ATP5PB: variants seen among roughly 807,000 people sequenced by gnomAD.
The protein encoded by ATP5PB is ATP synthase peripheral stalk subunit b, mitochondrial.
ATP5PB carries 21 observed loss-of-function variants against 34.5 expected under a neutral mutation model. The observed-to-expected ratio is 0.61, with a 90% confidence interval of 0.43 to 0.88. The LOEUF (loss-of-function observed/expected upper bound fraction) is 0.88, where lower values mean the gene tolerates loss of function less well. Ranked by LOEUF, ATP5PB falls within the 40% of genes least tolerant of loss-of-function variation. ATP5PB has a pLI of 0.00. For synonymous variants in ATP5PB, 108 were observed against 114.1 expected (o/e 0.95, Z 0.34); for missense variants, 293 against 317.4 (o/e 0.92, Z 0.58).
chr1:111,458,862 T>G (rs984718245), intron 5 of ATP5PB, among the ~76,000 whole-genome samples: 1 of 152,184 alleles, frequency 6.6e-6, no homozygotes, highest in Non-Finnish European at 1.5e-5. Context: ...AATTTCTGCC[T>G]CAGTTTCCTC....
Position 111,456,156 on chromosome 1 carries a change from G to T in ATP5PB, c.294G>T (p.Glu98Asp), listed in dbSNP as rs767597893. 5 of 1,612,950 alleles carry T rather than the reference G, an allele frequency of 3.1e-6. No individual in the cohort carries two copies. The South Asian group carries it at 5.5e-5, about 18-fold the overall frequency. Residue 98 changes from glutamate to aspartate, a missense_variant, in exon 4 of 7, where the codon GAG (glutamate) becomes GAT (aspartate). Glu to Asp is a conservative substitution (Grantham distance 45). Coordinates refer to ENST00000369722, the MANE Select transcript of ATP5PB (RefSeq NM_001688.5). ...AAGAAATATATGTGATTAGCGCAGAGACCTTCACTGCCCTATCAGTACTAG... is the reference window on the plus strand; with the variant it reads ...AAGAAATATATGTGATTAGCGCAGATACCTTCACTGCCCTATCAGTACTAG... ...LSKEIYVISA[E>D]TFTALSVLGV...
At chr1:111,460,675 C>T (rs1186708519) in intron 6 of ATP5PB, among the ~76,000 whole-genome samples, 1 of 152,020 alleles carries the variant, frequency 6.6e-6, no homozygotes, top group African/African-American at 2.4e-5. Flanking sequence ...CAGGTTTCAC[C>T]CATAAAGGCT....
At chr1:111,452,578 TAAATA>T (rs1201459621) in intron 2 of ATP5PB, among the ~76,000 whole-genome samples, 3 of 152,018 alleles carry the variant, frequency 2.0e-5, no homozygotes, top group Admixed American at 6.6e-5. Context: ...CTCAAAAAAA[TAAATA>T]AAATAAGCAG....
chr1:111,459,325 TA>T (rs1178516494), intron 5 of ATP5PB, 131 bp from the exon 6 acceptor site: 1 of 806,644 alleles, frequency 1.2e-6, no homozygotes, highest in Non-Finnish European at 1.9e-6. Flanking sequence ...TCTAGGTACA[TA>T]TTACCTATTA....
rs142840295 is a variant in ATP5PB, at chr1:111,450,538, A to G, written c.77+665A>G. Among the ~76,000 whole-genome samples, 639 of 152,334 alleles carry G rather than the reference A, an allele frequency of 4.2e-3. 3 individuals carry two copies. Among genetic ancestry groups the G allele is most frequent in the African/African-American group, 0.015 (613 of 41,572 alleles). On this transcript the variant is annotated intron_variant, in intron 2 of 6. Coordinates refer to ENST00000369722, the MANE Select transcript of ATP5PB (RefSeq NM_001688.5). ...ATCTATAAAATGGCGATAATAGTGCATTGTGGCTTTTGAGAATTAAGAGAC... is the reference window on the plus strand; with the variant it reads ...ATCTATAAAATGGCGATAATAGTGCGTTGTGGCTTTTGAGAATTAAGAGAC...
intron 2 of ATP5PB, among the ~76,000 whole-genome samples, chr1:111,450,206 A>G (rs1653279086): frequency 6.6e-6 from 1 of 152,198 alleles, no homozygotes; most frequent in South Asian, 2.1e-4. Flanking sequence ...TAGATGACAT[A>G]CCCAAGAATA....
chr1:111,459,702 T>C, intron 6 of ATP5PB, 66 bp downstream of exon 6: 1 of 1,520,266 alleles, frequency 6.6e-7, no homozygotes. Context: ...TGCTGATGTT[T>C]TGTTAAGGTA....
At chr1:111,451,797 A>T (rs1653344133) in intron 2 of ATP5PB, among the ~76,000 whole-genome samples, 1 of 152,118 alleles carries the variant, frequency 6.6e-6, no homozygotes, top group Non-Finnish European at 1.5e-5. Flanking sequence ...CCAGGAGAGT[A>T]AGAGAATGAA....
At chr1:111,453,774 C>T (rs1014524656) in intron 2 of ATP5PB, among the ~76,000 whole-genome samples, 1 of 152,220 alleles carries the variant, frequency 6.6e-6, no homozygotes, top group African/African-American at 2.4e-5. Context: ...ATCCTCTCAA[C>T]AACCATATAA....
intron 5 of ATP5PB, among the ~76,000 whole-genome samples, chr1:111,457,722 T>G (rs12039707): frequency 0.29 from 43,349 of 152,006 alleles, 6,460 homozygotes; most frequent in South Asian, 0.4. Context: ...TTCCAAGACT[T>G]ATGGAATCAG....
intron 1 of ATP5PB, 46 bp from the exon 2 acceptor site, chr1:111,449,791 C>A (rs751916964): frequency 1.9e-6 from 3 of 1,613,722 alleles, no homozygotes; most frequent in East Asian, 4.5e-5. Flanking sequence ...AAAGGGCAAA[C>A]CAGATTTCAT....
rs564066159 is a variant in ATP5PB at position 111,455,729 on chromosome 1, T to C, written c.224-357T>C. On this transcript the variant is annotated intron_variant, in intron 3 of 6. Transcript: ENST00000369722. ...CTGGACAAATTACTTCAGAAAGTTA[T>C]CTGACATCTTTGTAGAATAGTTTAA... Among the ~76,000 whole-genome samples the C allele has an allele frequency of 3.3e-5, 5 of 152,376 alleles. No individual in the cohort carries two copies. In the South Asian group the frequency reaches 1.0e-3, roughly 32 times the overall value.
intron 3 of ATP5PB, 22 bp downstream of exon 3, chr1:111,454,378 C>T: frequency 6.3e-7 from 1 of 1,576,170 alleles, no homozygotes; most frequent in South Asian, 1.2e-5. Context: ...TGCCTAGTCT[C>T]TGGTAATATG....
intron 4 of ATP5PB, 89 bp downstream of exon 4, chr1:111,456,338 C>T: frequency 7.6e-7 from 1 of 1,320,928 alleles, no homozygotes. Flanking sequence ...GTTAGGGGAG[C>T]AACATATAGA....
intron 3 of ATP5PB, 149 bp from the exon 4 acceptor site, chr1:111,455,937 A>C: frequency 1.6e-6 from 1 of 612,074 alleles, no homozygotes; most frequent in Non-Finnish European, 2.6e-6. Context: ...TTTCAACTCT[A>C]CCATACTGCT....
chr1:111,458,184 A>G (rs1442460933), intron 5 of ATP5PB, among the ~76,000 whole-genome samples: 1 of 152,230 alleles, frequency 6.6e-6, no homozygotes, highest in African/African-American at 2.4e-5. Context: ...CAGGTAATAA[A>G]TGCCAGATAG....
intron 3 of ATP5PB, among the ~76,000 whole-genome samples, chr1:111,455,333 G>T (rs1413570984): frequency 6.6e-6 from 1 of 152,194 alleles, no homozygotes; most frequent in Non-Finnish European, 1.5e-5. Flanking sequence ...TTGGAACTTT[G>T]TATGGGAAAC....
chr1:111,460,858 A>G, intron 6 of ATP5PB, 59 bp from the exon 7 acceptor site: 3 of 1,488,984 alleles, frequency 2.0e-6, no homozygotes, highest in Non-Finnish European at 2.8e-6. Context: ...TGGTGTTTAT[A>G]CTCTATACTT....
chr1:111,454,264 T>TA lies in ATP5PB; in HGVS notation c.132dup (p.Pro45ThrfsTer5). ...ACAGGGCAGCCACACCTTGTCCCTG[T>TA]ACCACCTCTTCCTGAATACGGAGGA... is the stretch of plus-strand genomic sequence containing the variant. On this transcript the variant is annotated frameshift_variant, in exon 3 of 7. Coordinates refer to ENST00000369722, the MANE Select transcript of ATP5PB (RefSeq NM_001688.5). LOFTEE classifies it high-confidence loss of function. The TA allele has an allele frequency of 1.2e-6, 2 of 1,613,338 alleles. No homozygotes were observed. The highest frequency in any genetic ancestry group is 1.7e-6 in the Non-Finnish European group (2 of 1,179,794).
Sources: allele counts gnomAD v4.1 joint callset (sites outside exome capture counted in the v4.1 genomes callset), GRCh38; gene constraint gnomAD v4.1.1; transcripts MANE v1.5; gene names NCBI Gene and HGNC (gene_info 2026-07-23, HGNC 2026-07-21).